Variants in PIGU observed in about 807,000 individuals in gnomAD.
PIGU encodes phosphatidylinositol glycan anchor biosynthesis class U, also known as GPI-anchor transamidase component PIGU.
In PIGU, 24 loss-of-function variants were observed where a neutral mutation model predicts 49.9. The observed-to-expected ratio is 0.48, with a 90% CI of 0.35 to 0.68. PIGU has a LOEUF of 0.68. Ranked by LOEUF, PIGU falls within the 30% of genes least tolerant of loss-of-function variation. PIGU has a pLI of 0.01. For missense variants in PIGU, 490 were observed against 532.6 expected (o/e 0.92, Z 0.79); for synonymous variants, 220 against 205.7 (o/e 1.07, Z -0.59).
At chr20:34,595,694 G>A (rs1428203833) in intron 7 of PIGU, among the ~76,000 whole-genome samples, 1 of 152,172 alleles carries the variant, frequency 6.6e-6, no homozygotes, top group Non-Finnish European at 1.5e-5. Flanking sequence ...AATATGTGGG[G>A]AGAATCCAAA....
intron 2 of PIGU, 108 bp downstream of exon 2, chr20:34,657,072 C>T (rs1227234185): frequency 5.7e-6 from 5 of 870,500 alleles, no homozygotes; most frequent in African/African-American, 3.4e-5. Flanking sequence ...TAAATATGAT[C>T]GTCAAGAATA....
At chr20:34,675,301 A>G (rs1600680804) in intron 1 of PIGU, among the ~76,000 whole-genome samples, 1 of 151,978 alleles carries the variant, frequency 6.6e-6, no homozygotes, top group East Asian at 1.9e-4. Context: ...AAAACCGGAT[A>G]TAAACAGGTA....
At chr20:34,647,062 G>A (rs1240607859) in intron 2 of PIGU, among the ~76,000 whole-genome samples, 11 of 152,038 alleles carry the variant, frequency 7.2e-5, no homozygotes, top group Non-Finnish European at 1.5e-5. Context: ...GAGTGCAATG[G>A]CACGATCTCA....
chr20:34,582,705 T>C (rs1485894025), intron 9 of PIGU, among the ~76,000 whole-genome samples: 1 of 151,342 alleles, frequency 6.6e-6, no homozygotes, highest in African/African-American at 2.4e-5. Flanking sequence ...AAGTAGGCAA[T>C]CCTCTCACCT....
intron 6 of PIGU, among the ~76,000 whole-genome samples, chr20:34,623,321 G>A (rs1985319486): frequency 6.6e-6 from 1 of 152,166 alleles, no homozygotes; most frequent in African/African-American, 2.4e-5. Context: ...TACATTCCTT[G>A]CCAAGTGTGT....
intron 6 of PIGU, among the ~76,000 whole-genome samples, chr20:34,622,353 C>G (rs1985271510): frequency 6.6e-6 from 1 of 151,892 alleles, no homozygotes; most frequent in African/African-American, 2.4e-5. Context: ...CCCATCTCTA[C>G]TAAAAATACA....
intron 7 of PIGU, among the ~76,000 whole-genome samples, chr20:34,605,137 A>G (rs1600621652): frequency 6.6e-6 from 1 of 152,176 alleles, no homozygotes; most frequent in South Asian, 2.1e-4. Context: ...CATGCTATCA[A>G]ATCATAACAT....
intron 1 of PIGU, among the ~76,000 whole-genome samples, chr20:34,658,783 GCCC>G (rs1986804569): frequency 1.3e-5 from 2 of 151,756 alleles, no homozygotes; most frequent in South Asian, 2.1e-4. Context: ...GAAGTGAGGA[GCCC>G]CTCCGCCTGG....
chr20:34,624,416 G>T (rs1305857904), intron 6 of PIGU, among the ~76,000 whole-genome samples: 42 of 152,208 alleles, frequency 2.8e-4, no homozygotes, highest in Non-Finnish European at 1.5e-5. Flanking sequence ...TGTCTAACAT[G>T]AGAGCAGCCT....
At chr20:34,589,316 A>T (rs1473364921) in intron 7 of PIGU, among the ~76,000 whole-genome samples, 3 of 152,164 alleles carry the variant, frequency 2.0e-5, no homozygotes, top group African/African-American at 7.2e-5. Context: ...AAAAGACTTT[A>T]AAAAAACGCC....
In PIGU at chr20:34,585,463, G is replaced by A; in HGVS notation, c.900C>T (p.Tyr300=). 2 of 1,614,178 alleles carry A rather than the reference G, an allele frequency of 1.2e-6. No homozygotes were observed. The highest frequency in any genetic ancestry group is 1.7e-6 in the Non-Finnish European group (2 of 1,179,974). ...TTAGCTTTATGGCTAAGGGGATGGT[G>A]TAGAAGAAGACGTTGATCTGAAACA... ...VCVFQINVFF[Y]TIPLAIKLKE... The change falls in exon 9 of 12, where the codon TAC becomes TAT. Residue 300 remains tyrosine, a synonymous_variant. Coordinates refer to ENST00000217446, the MANE Select transcript of PIGU (RefSeq NM_080476.5).
chr20:34,639,958 A>C (rs1292561022), intron 4 of PIGU, among the ~76,000 whole-genome samples: 1 of 152,214 alleles, frequency 6.6e-6, no homozygotes, highest in African/African-American at 2.4e-5. Context: ...TGGTAGCAGG[A>C]AGGAGGCCTC....
chr20:34,628,430 C>T (rs1051206561), intron 6 of PIGU, among the ~76,000 whole-genome samples: 8 of 152,066 alleles, frequency 5.3e-5, no homozygotes, highest in Non-Finnish European at 1.2e-4. Flanking sequence ...GCAAAAATTG[C>T]TGTACATTAG....
chr20:34,574,666 C>A (rs1017871545), intron 11 of PIGU, among the ~76,000 whole-genome samples: 1 of 152,154 alleles, frequency 6.6e-6, no homozygotes, highest in Admixed American at 6.5e-5. Context: ...CCTCCCCTTG[C>A]CTTGCCCTCT....
At chr20:34,575,418 A>G (rs1273969978) in intron 10 of PIGU, among the ~76,000 whole-genome samples, 172 bp from the exon 11 acceptor site, 5 of 152,138 alleles carry the variant, frequency 3.3e-5, no homozygotes, top group Non-Finnish European at 7.4e-5. Flanking sequence ...TCCTCAGTCA[A>G]TGGCTCCCCA....
chr20:34,595,095 C>CAAAAAAAAAAAAAAAAAAAAAAAAAAAAA (rs71194627), intron 7 of PIGU, among the ~76,000 whole-genome samples: 1 of 71,334 alleles, frequency 1.4e-5, no homozygotes, highest in Non-Finnish European at 2.5e-5. Flanking sequence ...GACTCCGTCT[C>CAAAAAAAAAAAAAAAAAAAAAAAAAAAAA]AAAAAAAAAA....
chr20:34,591,958 C>G (rs536248294), intron 7 of PIGU, among the ~76,000 whole-genome samples: 1 of 152,064 alleles, frequency 6.6e-6, no homozygotes, highest in African/African-American at 2.4e-5. Context: ...GAGGCCGAAG[C>G]GGGTGGATCG....
chr20:34,591,038 A>AT (rs1316262809), intron 7 of PIGU, among the ~76,000 whole-genome samples: 5 of 133,900 alleles, frequency 3.7e-5, no homozygotes, highest in Admixed American at 1.9e-4. Context: ...AGAGAAAAAA[A>AT]AATATATATA....
At chr20:34,567,773 C>A (rs1474326770) in intron 11 of PIGU, among the ~76,000 whole-genome samples, 1 of 151,918 alleles carries the variant, frequency 6.6e-6, no homozygotes, top group African/African-American at 2.4e-5. Flanking sequence ...CCCAGCAGCA[C>A]GGTGTTCCTC....
Sources: allele counts gnomAD v4.1 joint callset (sites outside exome capture counted in the v4.1 genomes callset), GRCh38; gene constraint gnomAD v4.1.1; transcripts MANE v1.5; gene names NCBI Gene and HGNC (gene_info 2026-07-23, HGNC 2026-07-21).